BCR: variants seen among roughly 807,000 people sequenced by gnomAD.
BCR encodes BCR activator of RhoGEF and GTPase.
A neutral mutation model predicts 138.6 loss-of-function variants in BCR; 58 were observed. The observed-to-expected ratio is 0.42, with a 90% CI of 0.34 to 0.52. BCR has a LOEUF of 0.52. BCR is among the 20% of genes least tolerant of loss of function. BCR has a pLI of 0.06. For synonymous variants in BCR, 786 were observed against 730.1 expected, an observed-to-expected ratio of 1.08 and a Z score of -1.23; for missense variants, 1,599 against 1,727.2, an observed-to-expected ratio of 0.93 and a Z score of 1.32.
At chr22:23,222,090 C>CA (rs749765519) in intron 1 of BCR, among the ~76,000 whole-genome samples, 3 of 150,744 alleles carry the variant, frequency 2.0e-5, no homozygotes, top group African/African-American at 5.0e-5. Flanking sequence ...GACTCTGTCT[C>CA]AAAAAACAAA....
intron 1 of BCR, among the ~76,000 whole-genome samples, chr22:23,203,786 C>T (rs1205209265): frequency 6.6e-6 from 1 of 152,254 alleles, no homozygotes; most frequent in African/African-American, 2.4e-5. Flanking sequence ...AGCATTTTGG[C>T]TTCTCTTCTG....
chr22:23,251,352 T>C (rs1054456955), intron 1 of BCR: 1 of 152,262 alleles, frequency 6.6e-6, no homozygotes, highest in Non-Finnish European at 1.5e-5. Context: ...TCAGCAGGTC[T>C]GTGTGGATCC....
At chr22:23,290,005 T>C (rs2073766784) in intron 13 of BCR, 1 of 506,726 alleles carries the variant, frequency 2.0e-6, no homozygotes, top group Non-Finnish European at 3.6e-6. Flanking sequence ...GTTGCACATA[T>C]GCTCAGTCAC....
intron 6 of BCR, among the ~76,000 whole-genome samples, chr22:23,271,806 A>G (rs950935069): frequency 6.6e-6 from 1 of 152,176 alleles, no homozygotes; most frequent in Non-Finnish European, 1.5e-5. Context: ...AACATTAGCA[A>G]CAAGGTGCTG....
intron 1 of BCR, among the ~76,000 whole-genome samples, chr22:23,211,642 G>A (rs966314645): frequency 2.0e-5 from 3 of 151,160 alleles, no homozygotes; most frequent in East Asian, 1.9e-4. Flanking sequence ...CCACCACCAC[G>A]CCTGGCTAGT....
chr22:23,226,756 A>G (rs943141720), intron 1 of BCR, among the ~76,000 whole-genome samples: 8 of 152,244 alleles, frequency 5.3e-5, no homozygotes. Context: ...GATATTCATT[A>G]GCTGGCTCTT....
intron 1 of BCR, among the ~76,000 whole-genome samples, chr22:23,234,150 A>G (rs149032319): frequency 3.3e-5 from 5 of 152,236 alleles, no homozygotes; most frequent in Non-Finnish European, 5.9e-5. Flanking sequence ...CAGAAATTCT[A>G]TTATGTGTCC....
rs765361264 is a variant in BCR, at chr22:23,311,852, C to T, written c.3322+16C>T. On this transcript the variant is annotated intron_variant, in intron 19 of 22. Transcript: ENST00000305877. ...TTCGACGTCAGTGAGTGTTGGCCTG[C>T]GCAGGACGGGATGGAGGTGTGGGCA... The T allele has an allele frequency of 1.4e-5, 22 of 1,611,170 alleles. No individual in the cohort carries two copies. The highest frequency in any genetic ancestry group is 5.0e-5 in the Admixed American group (3 of 59,992).
intron 1 of BCR, among the ~76,000 whole-genome samples, chr22:23,197,115 G>A (rs1470952363): frequency 6.6e-6 from 1 of 152,220 alleles, no homozygotes; most frequent in East Asian, 1.9e-4. Flanking sequence ...GGTCCCATAA[G>A]ATTATAATAC....
At position 23,233,813 on chromosome 22, in the gene BCR, G is replaced by A. The variant is rs200840463; in HGVS notation, c.1280-19986G>A. Among the ~76,000 whole-genome samples the A allele has an allele frequency of 6.8e-4, 97 of 142,758 alleles. 1 individual carries two copies. The highest frequency in any genetic ancestry group is 3.7e-3 in the Middle Eastern group (1 of 268). 93.7% of individuals were successfully genotyped at this position (142,758 alleles called of 152,430 possible). On this transcript the variant is annotated intron_variant, in intron 1 of 22. Coordinates refer to ENST00000305877, the MANE Select transcript of BCR (RefSeq NM_004327.4). ...TCAAAAAAAAAAAAAAGAAAAAAAAGAAAAAAAAAAAGAAGAACATGGTGA... is the reference window on the plus strand; with the variant it reads ...TCAAAAAAAAAAAAAAGAAAAAAAAAAAAAAAAAAAAGAAGAACATGGTGA...
intron 4 of BCR, chr22:23,262,975 G>C: frequency 4.3e-6 from 4 of 928,468 alleles, no homozygotes; most frequent in Non-Finnish European, 5.7e-6. Context: ...ATCATCAAAG[G>C]AGATGAGGGG....
chr22:23,202,723 G>GTT (rs2072568879), intron 1 of BCR, among the ~76,000 whole-genome samples: 1 of 140,444 alleles, frequency 7.1e-6, no homozygotes, highest in Non-Finnish European at 1.5e-5. Flanking sequence ...TCAATTGTTT[G>GTT]TGTGTGTGTG....
chr22:23,231,621 A>C (rs2072959941), intron 1 of BCR, among the ~76,000 whole-genome samples: 1 of 152,212 alleles, frequency 6.6e-6, no homozygotes, highest in African/African-American at 2.4e-5. Flanking sequence ...GCCATGCCTG[A>C]GCTGGCTGTG....
rs574013703 is a variant in BCR at position 23,273,407 on chromosome 22, C to T, written c.1975-227C>T. 1.2e-4 allele frequency among the ~76,000 whole-genome samples: 19 copies of T among 152,334 alleles called. No homozygotes were observed. The East Asian group carries it at 3.3e-3, about 26-fold the overall frequency. On this transcript the variant is annotated intron_variant, in intron 7 of 22. Coordinates refer to ENST00000305877, the MANE Select transcript of BCR (RefSeq NM_004327.4). ...ATCCTTACAGAGGAGTCCTTCTTGGCCATGTGCATGCAGCGTGAGTTTGCT... is the reference window on the plus strand; with the variant it reads ...ATCCTTACAGAGGAGTCCTTCTTGGTCATGTGCATGCAGCGTGAGTTTGCT...
chr22:23,184,823 GGCTCA>G (rs2072319512), intron 1 of BCR, among the ~76,000 whole-genome samples: 1 of 152,186 alleles, frequency 6.6e-6, no homozygotes, highest in South Asian at 2.1e-4. Context: ...AATCCTCACT[GGCTCA>G]GCCATCTGTC....
At chr22:23,283,513 T>G (rs1160609194) in intron 8 of BCR, 1 of 163,520 alleles carries the variant, frequency 6.1e-6, no homozygotes, top group African/African-American at 2.4e-5. Flanking sequence ...CCTGAGATGG[T>G]CCCTCTACAG....
At chr22:23,209,436 T>A (rs1400392062) in intron 1 of BCR, among the ~76,000 whole-genome samples, 1 of 152,226 alleles carries the variant, frequency 6.6e-6, no homozygotes, top group East Asian at 1.9e-4. Flanking sequence ...TATCCATCTC[T>A]CTGCCAGTAG....
intron 1 of BCR, among the ~76,000 whole-genome samples, chr22:23,230,637 A>C (rs1173853953): frequency 6.6e-6 from 1 of 152,190 alleles, no homozygotes; most frequent in Non-Finnish European, 1.5e-5. Flanking sequence ...CCTTCTATCA[A>C]ATTCCATTGT....
At chr22:23,254,279 G>A (rs1371673768) in intron 2 of BCR, among the ~76,000 whole-genome samples, 2 of 151,978 alleles carry the variant, frequency 1.3e-5, no homozygotes, top group African/African-American at 2.4e-5. Context: ...TGGTGGCGCC[G>A]GCAACACTCC....
Sources: allele counts gnomAD v4.1 joint callset (sites outside exome capture counted in the v4.1 genomes callset), GRCh38; gene constraint gnomAD v4.1.1; transcripts MANE v1.5; gene names NCBI Gene and HGNC (gene_info 2026-07-23, HGNC 2026-07-21).